PPP2R5B: variants seen among roughly 807,000 people sequenced by gnomAD.
PPP2R5B encodes the protein protein phosphatase 2 regulatory subunit B'beta, also known as serine/threonine-protein phosphatase 2A 56 kDa regulatory subunit beta isoform.
Under a neutral mutation model 59.9 loss-of-function variants are expected in PPP2R5B, and 19 were observed. The ratio of observed to expected loss-of-function variants is 0.32; its 90% CI spans 0.22 to 0.47. PPP2R5B has a LOEUF of 0.47. PPP2R5B is among the 20% of genes least tolerant of loss of function. The pLI, the probability that PPP2R5B is intolerant of heterozygous loss-of-function variation, is 1.00. For missense variants in PPP2R5B, 441 were observed against 640.2 expected (o/e 0.69, Z 3.36); for synonymous variants, 286 against 260.5 (o/e 1.10, Z -0.94).
chr11:64,926,768 G>T lies in PPP2R5B; in HGVS notation c.256G>T (p.Val86Leu), dbSNP rs757182568. The change falls in exon 3 of 14, where the codon GTG (valine) becomes TTG (leucine). Residue 86 changes from valine to leucine, a missense_variant. Transcript: ENST00000164133. Reference protein sequence around the residue: ...LLSRKLAQCGVMFDFLDCVAD... With the variant: ...LLSRKLAQCGLMFDFLDCVAD... ...GAGCCGGAAGCTGGCCCAGTGTGGG[G>T]TGATGTTTGACTTCTTGGACTGTGT... 6.8e-6 allele frequency: 11 copies of T among 1,614,244 alleles called. No individual in the cohort carries two copies. The South Asian group carries it at 1.1e-4, about 16-fold the overall frequency.
Position 64,927,891 on chromosome 11 carries a change from GC to G in PPP2R5B, c.488del (p.Pro163HisfsTer34). 6.2e-7 allele frequency: 1 copy of G among 1,606,120 alleles called. No individual in the cohort carries two copies. Among genetic ancestry groups the G allele is most frequent in the Non-Finnish European group, 8.5e-7 (1 of 1,172,820 alleles). On this transcript the variant is annotated frameshift_variant, in exon 4 of 14. Transcript: ENST00000164133. LOFTEE classifies it high-confidence loss of function. ...EDEPNLEPSWPHLQLVYEFFL... is the reference protein window; with the variant it reads ...EDEPNLEPSWXHLQLVYEFFL... ...ATGAGCCCAATCTTGAGCCTTCGTG[GC>G]CACACCTGCAGGTCTGAAGGGTTGG...
At chr11:64,930,681 T>C in intron 8 of PPP2R5B, 92 bp downstream of exon 8, 1 of 1,055,228 alleles carries the variant, frequency 9.5e-7, no homozygotes, top group South Asian at 1.3e-5. Flanking sequence ...AGGGATCCTA[T>C]CTCACCTTCT....
intron 1 of PPP2R5B, among the ~76,000 whole-genome samples, chr11:64,918,910 A>T (rs990138519): frequency 6.6e-6 from 1 of 152,196 alleles, no homozygotes; most frequent in African/African-American, 2.4e-5. Context: ...AGTCCCACCC[A>T]TGGGTGGTTT....
intron 8 of PPP2R5B, 143 bp downstream of exon 8, chr11:64,930,732 C>A: frequency 1.4e-6 from 1 of 718,186 alleles, no homozygotes; most frequent in Non-Finnish European, 2.3e-6. Context: ...AGAAAATTCC[C>A]ACTGGCGCTT....
intron 2 of PPP2R5B, 94 bp from the exon 3 acceptor site, chr11:64,926,618 A>G: frequency 2.2e-6 from 3 of 1,363,440 alleles, no homozygotes; most frequent in East Asian, 4.6e-5. Context: ...GGGGCAGCAG[A>G]GGCAGCCGTG....
chr11:64,920,778 C>T (rs1945102408), upstream of PPP2R5B, among the ~76,000 whole-genome samples: 1 of 151,316 alleles, frequency 6.6e-6, no homozygotes, highest in African/African-American at 2.4e-5. Context: ...TACAGGCGTG[C>T]ACCACCACGC....
At chr11:64,920,372 C>T (rs1323316613), upstream of PPP2R5B, among the ~76,000 whole-genome samples, 1 of 152,124 alleles carries the variant, frequency 6.6e-6, no homozygotes, top group African/African-American at 2.4e-5. Flanking sequence ...AGCCCCAGTT[C>T]CCAGTGCCAT....
Position 64,919,247 on chromosome 11 carries a change from G to T in PPP2R5B, c.-265+1607G>T, listed in dbSNP as rs563846988. Among the ~76,000 whole-genome samples the T allele has an allele frequency of 2.0e-5, 3 of 152,288 alleles. No homozygotes were observed. In the East Asian group the frequency reaches 5.8e-4, roughly 29 times the overall value. On this transcript the variant is annotated intron_variant, in intron 1 of 4. Transcript: ENST00000526559. ...AGTCCCAGCTACTCGGGAGGCTGAG[G>T]CAGGAGAATGGTGTGAACCTGGGAG...
chr11:64,932,846 G>A lies in PPP2R5B; in HGVS notation c.1198G>A (p.Ala400Thr). The change falls in exon 12 of 14, where the codon GCT (alanine) becomes ACT (threonine). Residue 400 changes from alanine (A) to threonine (T), a missense_variant. This residue lies in a region of PPP2R5B where 268 missense variants were observed against 488.1 expected (regional missense o/e 0.55). Transcript: ENST00000164133. Reference sequence around the variant, plus strand: ...GGACAACTGCCACACTGTGCTGCCTGCTGTGTTTGGGACCCTCTACCAAGT... The same window carrying A: ...GGACAACTGCCACACTGTGCTGCCTACTGTGTTTGGGACCCTCTACCAAGT... ...IEDNCHTVLP[A>T]VFGTLYQVSK... The A allele has an allele frequency of 6.2e-7, 1 of 1,614,150 alleles. No homozygotes were observed. Among genetic ancestry groups the A allele is most frequent in the Non-Finnish European group, 8.5e-7 (1 of 1,180,010 alleles).
chr11:64,928,115 C>A lies in PPP2R5B; in HGVS notation c.548C>A (p.Pro183His). ...TTCTTGGAGAGCCCAGACTTCCAGC[C>A]CTCCGTGGCCAAGAGATATGTGGAT... ...LRFLESPDFQ[P>H]SVAKRYVDQK... is the part of the protein sequence containing the mutation. Residue 183 changes from proline to histidine, a missense_variant, in exon 5 of 14, where the codon CCC becomes CAC. Coordinates refer to ENST00000164133, the MANE Select transcript of PPP2R5B (RefSeq NM_006244.4). 1.9e-6 allele frequency: 3 copies of A among 1,614,200 alleles called. No homozygotes were observed. The highest frequency in any genetic ancestry group is 2.5e-6 in the Non-Finnish European group (3 of 1,180,036).
upstream of PPP2R5B, among the ~76,000 whole-genome samples, chr11:64,924,012 C>G (rs980327194): frequency 1.3e-5 from 2 of 152,180 alleles, no homozygotes; most frequent in African/African-American, 4.8e-5. Flanking sequence ...GCTGAAAGGT[C>G]CATCCGGGAA....
chr11:64,920,037 C>T (rs1347044226), upstream of PPP2R5B, among the ~76,000 whole-genome samples: 2 of 150,908 alleles, frequency 1.3e-5, no homozygotes, highest in Non-Finnish European at 1.5e-5. Context: ...CACTTGATCC[C>T]GGGGGGCAGA....
At position 64,932,868 on chromosome 11, in the gene PPP2R5B, A is replaced by G. The variant is rs1289987376; in HGVS notation, c.1220A>G (p.Gln407Arg). ...VLPAVFGTLY[Q>R]VSKEHWNQTI... ...CCTGCTGTGTTTGGGACCCTCTACC[A>G]AGTCTCCAAGGAGCACTGGAACCAG... is the stretch of plus-strand genomic sequence containing the variant. Residue 407 changes from glutamine to arginine, a missense_variant, in exon 12 of 14, where the codon CAA becomes CGA. Coordinates refer to ENST00000164133, the MANE Select transcript of PPP2R5B (RefSeq NM_006244.4). 7.4e-6 allele frequency: 12 copies of G among 1,613,984 alleles called. No individual in the cohort carries two copies. The Admixed American group carries it at 2.0e-4, about 27-fold the overall frequency.
chr11:64,931,369 A>G lies in PPP2R5B; in HGVS notation c.892-67A>G. 1.9e-6 allele frequency: 3 copies of G among 1,544,700 alleles called. No individual in the cohort carries two copies. In the Admixed American group the frequency reaches 5.1e-5, roughly 26 times the overall value. ...CAGTATTTGGCATTCTGTCCTGGAC[A>G]GCAAGTCCTTGGCGCCTGGTGCCTT... On this transcript the variant is annotated intron_variant, in intron 8 of 13. Coordinates refer to ENST00000164133, the MANE Select transcript of PPP2R5B (RefSeq NM_006244.4). The surrounding 1 kb of genome is among the most constrained non-coding windows in gnomAD (Gnocchi z 5.0).
At position 64,933,215 on chromosome 11, in the gene PPP2R5B, C is replaced by T; in HGVS notation, c.1315C>T (p.Leu439Phe). 1 of 1,612,416 alleles carries T rather than the reference C, an allele frequency of 6.2e-7. No homozygotes were observed. The highest frequency in any genetic ancestry group is 1.1e-5 in the South Asian group (1 of 91,040). ...MEMNGKLFDE[L>F]TASYKLEKQQ... is the part of the protein sequence containing the mutation. ...GATGAATGGGAAGCTGTTTGATGAG[C>T]TCACAGCCTCCTACAAGCTGGAAAA... The change falls in exon 13 of 14, where the codon CTC becomes TTC. Residue 439 changes from leucine (L) to phenylalanine (F), a missense_variant. Transcript: ENST00000164133.
At position 64,925,621 on chromosome 11, in the gene PPP2R5B, C is replaced by G. The variant is rs1020108844; in HGVS notation, c.-114C>G. The G allele has an allele frequency of 4.9e-5, 27 of 549,200 alleles. No homozygotes were observed. The highest frequency in any genetic ancestry group is 1.9e-4 in the Admixed American group (6 of 31,478). 34.0% of individuals were successfully genotyped at this position (549,200 alleles called of 1,614,324 possible). ...GCCCAGGACTGTGGTTGTGCCCCCCCCCCAAAGGCCGGACAGGATGGGACC... is the reference window on the plus strand; with the variant it reads ...GCCCAGGACTGTGGTTGTGCCCCCCGCCCAAAGGCCGGACAGGATGGGACC... On this transcript the variant is annotated 5_prime_UTR_variant, in exon 2 of 14. Coordinates refer to ENST00000164133, the MANE Select transcript of PPP2R5B (RefSeq NM_006244.4). This position sits in a 1 kb window ranked among gnomAD's most constrained non-coding sequence, Gnocchi z 4.6.
At chr11:64,932,702 C>T (rs1242158137) in intron 11 of PPP2R5B, 63 bp from the exon 12 acceptor site, 4 of 1,584,982 alleles carry the variant, frequency 2.5e-6, no homozygotes, top group Middle Eastern at 1.7e-4. Flanking sequence ...TGATGGACAC[C>T]AGACCTTGCA....
At position 64,934,319 on chromosome 11, in the gene PPP2R5B, A is replaced by C. The variant is rs751536308; in HGVS notation, c.*475A>C. The C allele has an allele frequency of 1.0e-4, 27 of 258,424 alleles. No homozygotes were observed. Among genetic ancestry groups the C allele is most frequent in the Non-Finnish European group, 1.9e-4 (26 of 134,522 alleles). 16.0% of individuals were successfully genotyped at this position (258,424 alleles called of 1,614,324 possible). A position where few individuals can be genotyped will look rare whatever the true frequency, so the allele number is the denominator to read the frequency against. On this transcript the variant is annotated 3_prime_UTR_variant, in exon 14 of 14. Transcript: ENST00000164133. ...ACACTCCTCCCTTCCCTCGCTGTGT[A>C]CTTCCTTGTCCCCTTTTTATTTATT...
intron 5 of PPP2R5B, 44 bp downstream of exon 5, chr11:64,928,202 C>A (rs1397791472): frequency 1.2e-6 from 2 of 1,613,244 alleles, no homozygotes; most frequent in Non-Finnish European, 8.5e-7. Context: ...AAGGCAGGGG[C>A]AGGCTCTCTG....
Sources: gnomAD v4.1 joint callset for allele counts (sites outside exome capture counted in the v4.1 genomes callset) on GRCh38, gnomAD v4.1.1 for gene constraint, gnomAD v4.1.1 regional missense constraint, Gnocchi (gnomAD v3.1) non-coding constraint, MANE v1.5 for transcripts, NCBI Gene and HGNC (gene_info 2026-07-23, HGNC 2026-07-21) for gene names.